ZNF568: variants seen among roughly 807,000 people sequenced by gnomAD.
ZNF568 encodes the protein zinc finger protein 568.
Under a neutral mutation model 18.1 loss-of-function variants are expected in ZNF568, and 11 were observed. That is an observed-to-expected ratio of 0.61 (90% confidence interval 0.38 to 1.00). ZNF568 has a LOEUF of 1.00. Among genes scored for constraint, ZNF568 ranks in the 50% least tolerant of loss-of-function variants. ZNF568 has a pLI of 0.01. For synonymous variants in ZNF568, 213 were observed against 246.6 expected (o/e 0.86, Z 1.28); for missense variants, 639 against 768.2 (o/e 0.83, Z 1.99).
chr19:36,937,165 CG>C lies in ZNF568; in HGVS notation c.283del (p.Asp95MetfsTer2), dbSNP rs1568386131. 1.4e-5 allele frequency: 23 copies of C among 1,613,878 alleles called. No homozygotes were observed. The highest frequency in any genetic ancestry group is 1.9e-5 in the Non-Finnish European group (23 of 1,179,862). On this transcript the variant is annotated frameshift_variant, in exon 6 of 7. Transcript: ENST00000333987. LOFTEE classifies it high-confidence loss of function. ...GTAATAGGCTGTCAAGTCACCAAAC[CG>C]GATGTGATATTCAAGTTGGAGCAAG... ...LVTVGCQVTK[P>X]DVIFKLEQEE...
chr19:36,984,831 T>C (rs138110516), downstream of ZNF568, among the ~76,000 whole-genome samples: 13 of 152,264 alleles, frequency 8.5e-5, no homozygotes, highest in Non-Finnish European at 1.8e-4. Context: ...GTAGATAATC[T>C]ATCTTTAATC....
intron 2 of ZNF568, among the ~76,000 whole-genome samples, chr19:36,919,272 G>C (rs532892288): frequency 1.3e-5 from 2 of 151,922 alleles, no homozygotes; most frequent in Non-Finnish European, 2.9e-5. Flanking sequence ...TGTTTTCATG[G>C]AGTTTATGTT....
chr19:36,936,993 T>A (rs1206431505), intron 5 of ZNF568, 121 bp downstream of exon 5: 2 of 1,385,886 alleles, frequency 1.4e-6, no homozygotes, highest in Non-Finnish European at 2.0e-6. Context: ...CTATATGTGC[T>A]CCACTCTTCA....
intron 6 of ZNF568, among the ~76,000 whole-genome samples, chr19:36,966,750 C>G (rs1275632318): frequency 1.3e-5 from 2 of 152,152 alleles, no homozygotes; most frequent in Non-Finnish European, 2.9e-5. Flanking sequence ...CTTCATGGTC[C>G]ATCAGTGGGA....
At chr19:36,981,864 AC>A (rs1438431099), downstream of ZNF568, among the ~76,000 whole-genome samples, 6 of 151,738 alleles carry the variant, frequency 4.0e-5, no homozygotes, top group Non-Finnish European at 8.8e-5. Flanking sequence ...ACAGAGCAAG[AC>A]CCAGTCTCAA....
intron 4 of ZNF568, 112 bp downstream of exon 4, chr19:36,925,370 G>GA (rs1278561170): frequency 1.0e-5 from 10 of 963,426 alleles, no homozygotes; most frequent in Middle Eastern, 2.2e-4. Flanking sequence ...ATAAAAGTGA[G>GA]AAAAAATACA....
chr19:36,981,598 G>A (rs1373399869), downstream of ZNF568, among the ~76,000 whole-genome samples: 10 of 151,864 alleles, frequency 6.6e-5, no homozygotes, highest in Admixed American at 6.6e-4. Flanking sequence ...ATATAGACTG[G>A]GTGCTGTGAC....
At position 36,987,492 on chromosome 19, in the gene ZNF568, A is replaced by G. The variant is rs190836781; in HGVS notation, c.10-3684A>G. ...CACCAGAATTTATTCCTCTATCTCTATTAGGCTTGAGGGAGGCTGGAACCC... is the reference window on the plus strand; with the variant it reads ...CACCAGAATTTATTCCTCTATCTCTGTTAGGCTTGAGGGAGGCTGGAACCC... On this transcript the variant is annotated intron_variant, in intron 2 of 4. Coordinates refer to the ZNF568 transcript ENST00000433993. Among the ~76,000 whole-genome samples the G allele has an allele frequency of 2.6e-5, 4 of 152,230 alleles. No individual in the cohort carries two copies. In the East Asian group the frequency reaches 5.8e-4, roughly 22 times the overall value.
Position 36,950,943 on chromosome 19 carries a change from A to G in ZNF568, c.1790A>G (p.Gln597Arg). Residue 597 changes from glutamine to arginine, a missense_variant, in exon 7 of 7, where the codon CAG (glutamine) becomes CGG (arginine). Transcript: ENST00000333987. ...ECNKCGKAFS[Q>R]CSLLIIHMRS... Reference sequence around the variant, plus strand: ...AATAAATGTGGGAAAGCCTTTTCTCAGTGCTCATTACTTATTATACATATG... The same window carrying G: ...AATAAATGTGGGAAAGCCTTTTCTCGGTGCTCATTACTTATTATACATATG... The G allele has an allele frequency of 3.7e-6, 6 of 1,613,848 alleles. No individual in the cohort carries two copies. The highest frequency in any genetic ancestry group is 5.1e-6 in the Non-Finnish European group (6 of 1,179,924).
At position 36,950,007 on chromosome 19, in the gene ZNF568, A is replaced by G. The variant is rs201720006; in HGVS notation, c.854A>G (p.Lys285Arg). The G allele has an allele frequency of 3.3e-4, 530 of 1,613,918 alleles. 2 individuals are homozygous for G. Among genetic ancestry groups the G allele is most frequent in the South Asian group, 1.6e-3 (145 of 91,066 alleles). The change falls in exon 7 of 7, where the codon AAA (lysine) becomes AGA (arginine). Residue 285 changes from lysine to arginine, a missense_variant. By Grantham distance (26) the Lys-to-Arg change is conservative. Transcript: ENST00000333987. Reference sequence around the variant, plus strand: ...CCGTATAAGTGTAATGAATGTGGAAAAGCTTTCATTCAGATGTCAAACCTT... The same window carrying G: ...CCGTATAAGTGTAATGAATGTGGAAGAGCTTTCATTCAGATGTCAAACCTT... ...EKPYKCNECGKAFIQMSNLIR... is the reference protein window; with the variant it reads ...EKPYKCNECGRAFIQMSNLIR...
exon 5 of ZNF568, chr19:36,996,408 C>T: frequency 6.5e-7 from 1 of 1,536,248 alleles, no homozygotes; most frequent in Non-Finnish European, 8.7e-7. Flanking sequence ...CCAGAGTTAT[C>T]AGAGAAATCA....
At chr19:36,943,389 C>A (rs1330503442) in intron 6 of ZNF568, among the ~76,000 whole-genome samples, 1 of 152,100 alleles carries the variant, frequency 6.6e-6, no homozygotes, top group East Asian at 1.9e-4. Context: ...CTCTCATTAA[C>A]TATTTGATTG....
At chr19:36,973,544 GGT>G (rs2074255255) in intron 6 of ZNF568, 1 of 154,072 alleles carries the variant, frequency 6.5e-6, no homozygotes, top group Admixed American at 6.5e-5. Context: ...GAGTGGGTGT[GGT>G]GTGAGGCTGG....
rs1600764018 is a variant in ZNF568 at position 36,922,678 on chromosome 19, C to G, written c.-93C>G. The G allele has an allele frequency of 9.5e-7, 1 of 1,057,672 alleles. No homozygotes were observed. The highest frequency in any genetic ancestry group is 2.4e-5 in the East Asian group (1 of 41,138). 65.5% of individuals were successfully genotyped at this position (1,057,672 alleles called of 1,614,324 possible). ...CATGGAAGGAGACCTGACCTGAGAC[C>G]TGCCTTAGAGGCTGGAGAGTCCTGA... On this transcript the variant is annotated 5_prime_UTR_variant, in exon 3 of 7. Transcript: ENST00000333987.
Position 36,970,051 on chromosome 19 carries a change from G to T in ZNF568, c.359-4369G>T, listed in dbSNP as rs1047479125. Among the ~76,000 whole-genome samples the T allele has an allele frequency of 2.4e-5, 3 of 123,186 alleles. 1 individual carries two copies. The highest frequency in any genetic ancestry group is 9.6e-5 in the African/African-American group (3 of 31,156). 80.8% of individuals were successfully genotyped at this position (123,186 alleles called of 152,430 possible). On this transcript the variant is annotated intron_variant, in intron 6 of 7. Transcript: ENST00000427117. ...GTGCTGGATTACAAGCATGAGCCACGATGCCTGGCCTCCATCTCAAGATTA... is the reference window on the plus strand; with the variant it reads ...GTGCTGGATTACAAGCATGAGCCACTATGCCTGGCCTCCATCTCAAGATTA...
In ZNF568 at chr19:36,949,543, G is replaced by A. The variant is rs745738589; in HGVS notation, c.390G>A (p.Lys130=). 1 of 1,598,088 alleles carries A rather than the reference G, an allele frequency of 6.3e-7. No individual in the cohort carries two copies. Among genetic ancestry groups the A allele is most frequent in the Non-Finnish European group, 8.5e-7 (1 of 1,174,122 alleles). The stretch of plus-strand genomic sequence containing the variant: ...GGGAAGTTGATGAACAGATCAAGAA[G>A]CAACAGGAAACACTTGTGAGGAAAG... ...EVWEVDEQIK[K]QQETLVRKVT... is the part of the protein sequence containing the mutation. Residue 130 remains lysine, a synonymous_variant, in exon 7 of 7, where the codon AAG becomes AAA. Coordinates refer to ENST00000333987, the MANE Select transcript of ZNF568 (RefSeq NM_198539.4).
Position 36,927,844 on chromosome 19 carries a change from A to ATG in ZNF568, c.135+2602_135+2603dup, listed in dbSNP as rs367925001. On this transcript the variant is annotated intron_variant, in intron 4 of 6. Transcript: ENST00000333987. ...TAAATATATATATATATAAAGATAT[A>ATG]TGTGTGTGTGTGTGTGTATATATAT... is the stretch of plus-strand genomic sequence containing the variant. 2.8e-3 allele frequency among the ~76,000 whole-genome samples: 236 copies of ATG among 83,804 alleles called. 2 individuals are homozygous for ATG. Among genetic ancestry groups the ATG allele is most frequent in the Middle Eastern group, 7.8e-3 (1 of 128 alleles). The allele number at this position is 83,804 out of a possible 152,430, so 55.0% of individuals were successfully genotyped here. A position where few individuals can be genotyped will look rare whatever the true frequency, so the allele number is the denominator to read the frequency against.
rs952309003 is a variant in ZNF568 at position 36,972,050 on chromosome 19, G to A, written c.359-2370G>A. Among the ~76,000 whole-genome samples the A allele has an allele frequency of 2.0e-5, 3 of 152,026 alleles. No homozygotes were observed. In the South Asian group the frequency reaches 6.2e-4, roughly 32 times the overall value. On this transcript the variant is annotated intron_variant, in intron 6 of 7. Coordinates refer to the ZNF568 transcript ENST00000427117. ...GGGTTTCACCATGTTGGCCAGGATG[G>A]TCTTGATCTCTTGACCTCGTGATCC... is the stretch of plus-strand genomic sequence containing the variant.
At chr19:36,945,965 T>C (rs966459503) in intron 6 of ZNF568, among the ~76,000 whole-genome samples, 8 of 151,730 alleles carry the variant, frequency 5.3e-5, no homozygotes, top group Non-Finnish European at 8.8e-5. Context: ...CGTGGTGGTG[T>C]GCGCCTGTAG....
Sources: gnomAD v4.1 joint callset for allele counts (sites outside exome capture counted in the v4.1 genomes callset) on GRCh38, gnomAD v4.1.1 for gene constraint, MANE v1.5 for transcripts, NCBI Gene and HGNC (gene_info 2026-07-23, HGNC 2026-07-21) for gene names.